Variants in SOHLH2 observed in about 807,000 individuals in gnomAD.
SOHLH2 encodes the protein spermatogenesis- and oogenesis-specific basic helix-loop-helix-containing protein 2.
A neutral mutation model predicts 50.4 loss-of-function variants in SOHLH2; 22 were observed. The ratio of observed to expected loss-of-function variants is 0.44; its 90% CI spans 0.31 to 0.62. The LOEUF is 0.62. SOHLH2 is among the 20% of genes least tolerant of loss of function. SOHLH2 has a pLI of 0.08. For synonymous variants in SOHLH2, 185 were observed against 187.3 expected, an observed-to-expected ratio of 0.99 and a Z score of 0.10; for missense variants, 412 against 504.4, an observed-to-expected ratio of 0.82 and a Z score of 1.76.
intron 4 of SOHLH2, among the ~76,000 whole-genome samples, chr13:36,192,609 G>GA (rs1185399487): frequency 1.3e-5 from 2 of 152,020 alleles, no homozygotes; most frequent in African/African-American, 4.8e-5. Flanking sequence ...CCCATTTTAA[G>GA]AAAAAATCAT....
intron 2 of SOHLH2, among the ~76,000 whole-genome samples, chr13:36,195,014 A>G (rs532781327): frequency 6.6e-6 from 1 of 152,278 alleles, no homozygotes; most frequent in African/African-American, 2.4e-5. Context: ...CTTATGTGCC[A>G]GCTCTGTGCT....
chr13:36,173,757 G>T lies in SOHLH2; in HGVS notation c.935C>A (p.Thr312Asn). 2 of 1,614,028 alleles carry T rather than the reference G, an allele frequency of 1.2e-6. No homozygotes were observed. The highest frequency in any genetic ancestry group is 1.7e-6 in the Non-Finnish European group (2 of 1,180,022). ...GGAGCACCCATTCCAGCACGTATTAGTCAGGAATTGGAGCCCTCTCTCAGG... is the reference window on the plus strand; with the variant it reads ...GGAGCACCCATTCCAGCACGTATTATTCAGGAATTGGAGCCCTCTCTCAGG... Reference protein sequence around the residue: ...YSPERGLQFLTNTCWNGCSTP... With the variant: ...YSPERGLQFLNNTCWNGCSTP... Residue 312 changes from threonine to asparagine, a missense_variant, in exon 9 of 11, where the codon ACT becomes AAT. Physicochemically the swap from Thr to Asn is moderately conservative, Grantham distance 65. Transcript: ENST00000379881.
chr13:36,190,226 T>C (rs1684331568), intron 5 of SOHLH2, among the ~76,000 whole-genome samples, 170 bp from the exon 6 acceptor site: 2 of 152,180 alleles, frequency 1.3e-5, no homozygotes. Context: ...TGCAGAATGT[T>C]TATTTCAAAA....
At chr13:36,169,241 A>T (rs943608335) in intron 10 of SOHLH2, among the ~76,000 whole-genome samples, 187 bp from the exon 11 acceptor site, 2 of 152,220 alleles carry the variant, frequency 1.3e-5, no homozygotes, top group Non-Finnish European at 2.9e-5. Context: ...ATTTTCTCAC[A>T]ACAATTCAAC....
chr13:36,186,602 C>T (rs1887427310), intron 6 of SOHLH2, among the ~76,000 whole-genome samples: 1 of 152,046 alleles, frequency 6.6e-6, no homozygotes, highest in African/African-American at 2.4e-5. Flanking sequence ...ATAGACACCC[C>T]CAAAATTATT....
intron 1 of SOHLH2, among the ~76,000 whole-genome samples, chr13:36,203,945 T>A (rs1008535197): frequency 8.2e-6 from 1 of 121,902 alleles, no homozygotes; most frequent in East Asian, 2.7e-4. Flanking sequence ...CCTTTAATTC[T>A]TTTTTTTTGT....
Position 36,173,682 on chromosome 13 carries a change from A to T in SOHLH2, c.1000+10T>A. ...CCCTCTAAGTGGCACAGATGCTAGG[A>T]GAAGCTCACCTCTCACAGCTTCATC... On this transcript the variant is annotated intron_variant, in intron 9 of 10. Coordinates refer to ENST00000379881, the MANE Select transcript of SOHLH2 (RefSeq NM_017826.3). 2 of 1,612,536 alleles carry T rather than the reference A, an allele frequency of 1.2e-6. No homozygotes were observed. The highest frequency in any genetic ancestry group is 1.7e-6 in the Non-Finnish European group (2 of 1,179,848).
chr13:36,175,057 C>A (rs1200177140), intron 6 of SOHLH2, among the ~76,000 whole-genome samples, 188 bp from the exon 7 acceptor site: 1 of 152,190 alleles, frequency 6.6e-6, no homozygotes, highest in African/African-American at 2.4e-5. Context: ...ATCACAGCTT[C>A]CTGGGGCACC....
At chr13:36,198,061 T>C (rs1887785251) in intron 2 of SOHLH2, among the ~76,000 whole-genome samples, 1 of 152,214 alleles carries the variant, frequency 6.6e-6, no homozygotes, top group African/African-American at 2.4e-5. Context: ...TAGATCTCCG[T>C]GGCTCACAAG....
chr13:36,202,531 T>G (rs1868485773), intron 1 of SOHLH2, among the ~76,000 whole-genome samples: 1 of 152,230 alleles, frequency 6.6e-6, no homozygotes, highest in Non-Finnish European at 1.5e-5. Flanking sequence ...AAGATTTAAA[T>G]TCCTAAATCA....
intron 4 of SOHLH2, 116 bp downstream of exon 4, chr13:36,193,505 A>G (rs1307628677): frequency 2.5e-6 from 3 of 1,189,578 alleles, no homozygotes; most frequent in African/African-American, 1.6e-5. Flanking sequence ...CTTTCCAGGT[A>G]AAGAATACAT....
intron 6 of SOHLH2, chr13:36,182,399 T>C (rs11619742): frequency 0.15 from 76,725 of 503,626 alleles, 6,323 homozygotes; most frequent in East Asian, 0.19. Context: ...GGCCTGTGCC[T>C]GCTTTAATCA....
At chr13:36,212,249 C>T (rs115987066) in intron 1 of SOHLH2, among the ~76,000 whole-genome samples, 3,661 of 152,188 alleles carry the variant, frequency 0.024, 44 homozygotes, top group African/African-American at 0.035. Context: ...TGGCACAGAG[C>T]GGGTATGACA....
At chr13:36,177,999 G>A (rs1887138994) in intron 6 of SOHLH2, among the ~76,000 whole-genome samples, 3 of 151,966 alleles carry the variant, frequency 2.0e-5, no homozygotes, top group African/African-American at 7.2e-5. Flanking sequence ...CTCAGCTCAT[G>A]AAGACATTCT....
intron 4 of SOHLH2, 35 bp downstream of exon 4, chr13:36,193,586 T>C (rs1331736147): frequency 6.4e-7 from 1 of 1,567,368 alleles, no homozygotes; most frequent in East Asian, 2.3e-5. Context: ...AGATTTTAAT[T>C]CAAATTTTGA....
chr13:36,203,628 CCG>C (rs1344298120), intron 1 of SOHLH2, among the ~76,000 whole-genome samples: 1 of 152,018 alleles, frequency 6.6e-6, no homozygotes, highest in Non-Finnish European at 1.5e-5. Context: ...ATTTATATCC[CCG>C]TAAGCAGTAT....
chr13:36,170,723 T>G lies in SOHLH2; in HGVS notation c.1065A>C (p.Ala355=). Residue 355 remains alanine (A), a synonymous_variant, in exon 10 of 11, where the codon GCA becomes GCC. Coordinates refer to ENST00000379881, the MANE Select transcript of SOHLH2 (RefSeq NM_017826.3). Reference sequence around the variant, plus strand: ...TATGCAAGGAATTCAGAGACAGCGCTGCACTGGAAATGTGAGTTTTATATG... The same window carrying G: ...TATGCAAGGAATTCAGAGACAGCGCGGCACTGGAAATGTGAGTTTTATATG... The part of the protein sequence containing the change: ...GDPYKTHISS[A]ALSLNSLHTV... 3.7e-6 allele frequency: 6 copies of G among 1,614,208 alleles called. No individual in the cohort carries two copies. The highest frequency in any genetic ancestry group is 5.1e-6 in the Non-Finnish European group (6 of 1,180,014).
intron 6 of SOHLH2, among the ~76,000 whole-genome samples, chr13:36,177,422 T>C (rs972117156): frequency 3.9e-5 from 6 of 152,256 alleles, no homozygotes; most frequent in South Asian, 2.1e-4. Context: ...GTTTTATTTC[T>C]CTTGGGTAAT....
chr13:36,180,615 T>G (rs960993802), intron 6 of SOHLH2, among the ~76,000 whole-genome samples: 7 of 151,508 alleles, frequency 4.6e-5, no homozygotes, highest in African/African-American at 7.3e-5. Context: ...GATTTTTTTT[T>G]TTTGTTTTAC....
Sources: gnomAD v4.1 joint callset for allele counts (sites outside exome capture counted in the v4.1 genomes callset) on GRCh38, gnomAD v4.1.1 for gene constraint, MANE v1.5 for transcripts, NCBI Gene and HGNC (gene_info 2026-07-23, HGNC 2026-07-21) for gene names.